FRMD6: variants seen among roughly 807,000 people sequenced by gnomAD.
FRMD6 encodes the protein FERM domain-containing protein 6.
FRMD6 carries 37 observed loss-of-function variants against 73.2 expected under a neutral mutation model. The ratio of observed to expected loss-of-function variants is 0.51; its 90% CI spans 0.39 to 0.66. FRMD6 has a LOEUF of 0.66. Among genes scored for constraint, FRMD6 ranks in the 30% least tolerant of loss-of-function variants. FRMD6 has a pLI of 0.00. For missense variants in FRMD6, 714 were observed against 780.5 expected (o/e 0.91, Z 1.02); for synonymous variants, 273 against 282.2 (o/e 0.97, Z 0.33).
chr14:51,554,786 A>T (rs1336829185), intron 1 of FRMD6: 1 of 152,256 alleles, frequency 6.6e-6, no homozygotes, highest in East Asian at 1.9e-4. Flanking sequence ...ATGGAATCCG[A>T]GACAGAAAGA....
At chr14:51,546,057 A>G (rs1389025415) in intron 1 of FRMD6, among the ~76,000 whole-genome samples, 3 of 152,234 alleles carry the variant, frequency 2.0e-5, no homozygotes, top group African/African-American at 7.2e-5. Flanking sequence ...AAATTCCATT[A>G]TAAATAGAAA....
chr14:51,553,934 A>G (rs1184288812), intron 1 of FRMD6, among the ~76,000 whole-genome samples: 2 of 152,184 alleles, frequency 1.3e-5, no homozygotes, highest in Non-Finnish European at 2.9e-5. Context: ...TATTAGCAGC[A>G]AGCATACTTG....
At chr14:51,647,692 C>T (rs755326737), upstream of FRMD6, among the ~76,000 whole-genome samples, 11 of 152,074 alleles carry the variant, frequency 7.2e-5, no homozygotes, top group African/African-American at 2.2e-4. Flanking sequence ...GAATGATGAA[C>T]GGTATTTAAT....
chr14:51,471,795 T>TA, the FRMD6 span, among the ~76,000 whole-genome samples: 1 of 151,724 alleles, frequency 6.6e-6, no homozygotes, highest in Non-Finnish European at 1.5e-5. Flanking sequence ...TAACAGAGTT[T>TA]AAAAAAAGAA....
At chr14:51,704,049 CTG>C (rs1401416276) in intron 5 of FRMD6, among the ~76,000 whole-genome samples, 2 of 151,968 alleles carry the variant, frequency 1.3e-5, no homozygotes, top group African/African-American at 4.8e-5. Context: ...AATGAGTGCT[CTG>C]TTAGTATTTC....
At chr14:51,501,880 G>T (rs1425234582) in intron 1 of FRMD6, among the ~76,000 whole-genome samples, 2 of 152,106 alleles carry the variant, frequency 1.3e-5, no homozygotes, top group African/African-American at 4.8e-5. Flanking sequence ...AACCTTGCCA[G>T]CATCTGTTGT....
At chr14:51,408,400 GA>G in the FRMD6 span, among the ~76,000 whole-genome samples, 131 of 152,070 alleles carry the variant, frequency 8.6e-4, no homozygotes, top group East Asian at 0.025. Context: ...AATACTGCTT[GA>G]ATTTATGTTA....
intron 1 of FRMD6, among the ~76,000 whole-genome samples, chr14:51,500,372 C>A (rs1883542274): frequency 6.6e-6 from 1 of 151,954 alleles, no homozygotes; most frequent in Non-Finnish European, 1.5e-5. Context: ...ACTAAAAATA[C>A]ACAAATTAGC....
chr14:51,603,762 A>G (rs995232643), intron 2 of FRMD6, among the ~76,000 whole-genome samples: 2 of 152,188 alleles, frequency 1.3e-5, no homozygotes, highest in African/African-American at 4.8e-5. Context: ...GAGTTCTCAA[A>G]TAAGGAAAAT....
In FRMD6 at chr14:51,626,316, T is replaced by C. The variant is rs141367739; in HGVS notation, c.-147+55906T>C. ...CATTTCCTAGGTTCCAGCTAGGCAT[T>C]AAATAGGCAAGATAAATATTTGTTC... On this transcript the variant is annotated intron_variant, in intron 2 of 14. Coordinates refer to the FRMD6 transcript ENST00000356218. Among the ~76,000 whole-genome samples the C allele has an allele frequency of 2.4e-3, 364 of 152,254 alleles. 2 individuals are homozygous for C. The highest frequency in any genetic ancestry group is 7.7e-3 in the African/African-American group (320 of 41,536).
Position 51,521,388 on chromosome 14 carries a change from T to A in FRMD6, c.-210+31968T>A, listed in dbSNP as rs540960576. 3.3e-5 allele frequency among the ~76,000 whole-genome samples: 5 copies of A among 152,316 alleles called. No individual in the cohort carries two copies. The South Asian group carries it at 1.0e-3, about 32-fold the overall frequency. ...TTTATTTTACTGGAATATAAATAGC[T>A]AAAATGAGATTGGAGTATATAAATT... On this transcript the variant is annotated intron_variant, in intron 1 of 14. Coordinates refer to the FRMD6 transcript ENST00000356218.
At chr14:51,498,034 A>T (rs17124018) in intron 1 of FRMD6, among the ~76,000 whole-genome samples, 1 of 152,186 alleles carries the variant, frequency 6.6e-6, no homozygotes. Context: ...AATGAGGAAC[A>T]GTCTTACATT....
chr14:51,410,968 G>A, the FRMD6 span, among the ~76,000 whole-genome samples: 1 of 152,140 alleles, frequency 6.6e-6, no homozygotes, highest in Admixed American at 6.6e-5. Context: ...TAGGTTCTTT[G>A]TTTATTCATT....
chr14:51,715,887 T>C (rs1897210629), intron 10 of FRMD6, among the ~76,000 whole-genome samples: 1 of 152,228 alleles, frequency 6.6e-6, no homozygotes, highest in Non-Finnish European at 1.5e-5. Context: ...AGTGCTATTA[T>C]CCACAGGTGG....
chr14:51,457,080 A>G, the FRMD6 span, among the ~76,000 whole-genome samples: 1 of 152,186 alleles, frequency 6.6e-6, no homozygotes, highest in Non-Finnish European at 1.5e-5. Flanking sequence ...CAGTGTGACT[A>G]TGGTTAATAA....
At chr14:51,584,886 T>G (rs1888934750) in intron 2 of FRMD6, among the ~76,000 whole-genome samples, 1 of 152,240 alleles carries the variant, frequency 6.6e-6, no homozygotes, top group Non-Finnish European at 1.5e-5. Flanking sequence ...CAAATTTAAT[T>G]CTTTTTAGAA....
intron 12 of FRMD6, 103 bp downstream of exon 12, chr14:51,722,183 A>G: frequency 8.1e-7 from 1 of 1,235,406 alleles, no homozygotes; most frequent in Admixed American, 1.8e-5. Context: ...GCCCTAGACC[A>G]GAGACTGGAC....
intron 3 of FRMD6, 137 bp from the exon 4 acceptor site, chr14:51,700,919 C>G: frequency 2.3e-6 from 1 of 443,644 alleles, no homozygotes; most frequent in East Asian, 3.5e-5. Flanking sequence ...TCTAGTATCT[C>G]TTTGGGTTTT....
intron 2 of FRMD6, among the ~76,000 whole-genome samples, chr14:51,595,182 A>G (rs950927301): frequency 6.6e-6 from 1 of 152,020 alleles, no homozygotes; most frequent in Non-Finnish European, 1.5e-5. Flanking sequence ...TTTGAGAGCG[A>G]CCCGTCTTGC....
Sources: gnomAD v4.1 joint callset for allele counts (sites outside exome capture counted in the v4.1 genomes callset) on GRCh38, gnomAD v4.1.1 for gene constraint, MANE v1.5 for transcripts, NCBI Gene and HGNC (gene_info 2026-07-23, HGNC 2026-07-21) for gene names.